CACNA1B: variants seen among roughly 807,000 people sequenced by gnomAD.
CACNA1B encodes voltage-dependent N-type calcium channel subunit alpha-1B.
In CACNA1B, 70 loss-of-function variants were observed where a neutral mutation model predicts 247.2. That is an observed-to-expected ratio of 0.28 (90% CI 0.23 to 0.35). The LOEUF (loss-of-function observed/expected upper bound fraction) is 0.35. Ranked by LOEUF, CACNA1B falls within the 10% of genes least tolerant of loss-of-function variation. The pLI is 1.00. For synonymous variants in CACNA1B, 1,231 were observed against 1,294.4 expected (o/e 0.95, Z 1.05); for missense variants, 2,367 against 3,197.4 (o/e 0.74, Z 6.26).
At chr9:137,909,020 C>T (rs186014133) in intron 3 of CACNA1B, among the ~76,000 whole-genome samples, 4,392 of 132,112 alleles carry the variant, frequency 0.033, 89 homozygotes, top group South Asian at 0.088. Flanking sequence ...GACAGAATTT[C>T]GCTCTTGTTG....
rs181687887 is a variant in CACNA1B at position 137,932,817 on chromosome 9, C to A, written c.966+15386C>A. Among the ~76,000 whole-genome samples the A allele has an allele frequency of 8.5e-4, 130 of 152,350 alleles. 1 individual carries two copies. The highest frequency in any genetic ancestry group is 2.5e-3 in the African/African-American group (104 of 41,582). Reference sequence around the variant, plus strand: ...TTTCCATGAAAACCGTACAGGTTATCTAAATGATGCGGTTTGGGTAACTGT... The same window carrying A: ...TTTCCATGAAAACCGTACAGGTTATATAAATGATGCGGTTTGGGTAACTGT... On this transcript the variant is annotated intron_variant, in intron 6 of 46. Coordinates refer to ENST00000371372, the MANE Select transcript of CACNA1B (RefSeq NM_000718.4).
rs201308982 is a variant in CACNA1B, at chr9:138,124,329, C to T, written c.*2330C>T. On this transcript the variant is annotated 3_prime_UTR_variant, in exon 47 of 47. Coordinates refer to ENST00000371372, the MANE Select transcript of CACNA1B (RefSeq NM_000718.4). Reference sequence around the variant, plus strand: ...GTATGTGCATGATAATGTATATCTTCGTACTTTTTGATACAATGTATTCAT... The same window carrying T: ...GTATGTGCATGATAATGTATATCTTTGTACTTTTTGATACAATGTATTCAT... The T allele has an allele frequency of 1.1e-4, 17 of 151,488 alleles. No homozygotes were observed. The highest frequency in any genetic ancestry group is 2.7e-4 in the African/African-American group (11 of 41,150). The allele number at this position is 151,488 out of a possible 1,614,324, so 9.4% of individuals were successfully genotyped here.
rs547483951 is a variant in CACNA1B at position 137,899,479 on chromosome 9, G to A, written c.531-13701G>A. Among the ~76,000 whole-genome samples the A allele has an allele frequency of 2.5e-4, 38 of 152,314 alleles. No individual in the cohort carries two copies. In the South Asian group the frequency reaches 7.2e-3, roughly 29 times the overall value. The stretch of plus-strand genomic sequence containing the variant: ...CTTGTAGTAATGGCTCACCGCTGTC[G>A]TGTGTGTGCTTGGGGTTGGGGTTCC... On this transcript the variant is annotated intron_variant, in intron 3 of 46. Coordinates refer to ENST00000371372, the MANE Select transcript of CACNA1B (RefSeq NM_000718.4). This position sits in a 1 kb window ranked among gnomAD's most constrained non-coding sequence, Gnocchi z 5.0.
In CACNA1B at chr9:138,058,750, G is replaced by T; in HGVS notation, c.4473+17G>T. On this transcript the variant is annotated intron_variant, in intron 29 of 46. Coordinates refer to ENST00000371372, the MANE Select transcript of CACNA1B (RefSeq NM_000718.4). The surrounding 1 kb of genome is among the most constrained non-coding windows in gnomAD (Gnocchi z 4.7). ...ATGATGAAGGTGTGTGGGGCTCAGCGCAGAGGGGCAGCTGGCGCTGCTAGG... is the reference window on the plus strand; with the variant it reads ...ATGATGAAGGTGTGTGGGGCTCAGCTCAGAGGGGCAGCTGGCGCTGCTAGG... The T allele has an allele frequency of 6.3e-7, 1 of 1,587,402 alleles. No homozygotes were observed. Among genetic ancestry groups the T allele is most frequent in the Non-Finnish European group, 8.6e-7 (1 of 1,166,172 alleles).
chr9:138,096,701 G>A, intron 37 of CACNA1B, 90 bp downstream of exon 37: 7 of 1,340,882 alleles, frequency 5.2e-6, no homozygotes, highest in South Asian at 1.4e-5. Context: ...CATGTTTCAA[G>A]TGAGCACCCC....
chr9:138,084,441 A>G (rs560639788), intron 36 of CACNA1B, among the ~76,000 whole-genome samples: 35 of 151,258 alleles, frequency 2.3e-4, no homozygotes, highest in South Asian at 2.1e-3. Context: ...TGCTGCCACA[A>G]ACTTCTACAC....
Position 138,023,232 on chromosome 9 carries a change from TG to T in CACNA1B, c.2492del (p.Gly831GlufsTer178). On this transcript the variant is annotated frameshift_variant, in exon 19 of 47. Transcript: ENST00000371372. LOFTEE classifies it high-confidence loss of function. ...ELGRDGARGPVGGKARPEAAE... is the reference protein window; with the variant it reads ...ELGRDGARGPXGGKARPEAAE... ...GGCCGCGACGGCGCGCGGGGGCCCGTGGGAGGCAAAGCCCGACCTGAGGCTG... is the reference window on the plus strand; with the variant it reads ...GGCCGCGACGGCGCGCGGGGGCCCGTGGAGGCAAAGCCCGACCTGAGGCTG... 6.6e-7 allele frequency: 1 copy of T among 1,512,178 alleles called. No individual in the cohort carries two copies. Among genetic ancestry groups the T allele is most frequent in the Non-Finnish European group, 8.8e-7 (1 of 1,138,720 alleles). The allele number at this position is 1,512,178 out of a possible 1,614,324, so 93.7% of individuals were successfully genotyped here.
At chr9:137,886,331 A>G (rs1957011508) in intron 3 of CACNA1B, among the ~76,000 whole-genome samples, 1 of 152,030 alleles carries the variant, frequency 6.6e-6, no homozygotes, top group African/African-American at 2.4e-5. Flanking sequence ...TAAGGACCTC[A>G]GGCCACGGGG....
At chr9:138,016,717 T>G (rs1185533560) in intron 18 of CACNA1B, among the ~76,000 whole-genome samples, 1 of 151,854 alleles carries the variant, frequency 6.6e-6, no homozygotes, top group Admixed American at 6.6e-5. Context: ...TTTGTTAGTC[T>G]ATGCTGCCCC....
chr9:138,096,691 C>A, intron 37 of CACNA1B, 80 bp downstream of exon 37: 1 of 1,455,848 alleles, frequency 6.9e-7, no homozygotes, highest in Non-Finnish European at 9.4e-7. Flanking sequence ...TGGCTTCAGA[C>A]ATGTTTCAAG....
chr9:138,107,948 G>A (rs1961489629), intron 39 of CACNA1B, among the ~76,000 whole-genome samples: 1 of 150,440 alleles, frequency 6.6e-6, no homozygotes, highest in African/African-American at 2.5e-5. Context: ...TTGCGCCACT[G>A]CACTCCAGTC....
At chr9:137,978,051 TC>T (rs1253066483) in intron 12 of CACNA1B, among the ~76,000 whole-genome samples, 2 of 56,316 alleles carry the variant, frequency 3.6e-5, no homozygotes, top group Admixed American at 2.0e-4. Context: ...AGCACTACCC[TC>T]CCCCCCAGGA....
intron 40 of CACNA1B, 22 bp downstream of exon 40, chr9:138,112,527 G>A (rs1961676728): frequency 7.0e-7 from 1 of 1,431,592 alleles, no homozygotes; most frequent in Non-Finnish European, 9.9e-7. Context: ...GGTGAGAAAT[G>A]CCCCCAGCCC....
At chr9:138,043,226 A>G (rs1392592683) in intron 20 of CACNA1B, among the ~76,000 whole-genome samples, 1 of 152,162 alleles carries the variant, frequency 6.6e-6, no homozygotes, top group Non-Finnish European at 1.5e-5. Flanking sequence ...GCGAGGGAGC[A>G]GGGCCTGAGC....
chr9:137,972,935 G>A (rs1958172803), intron 11 of CACNA1B, among the ~76,000 whole-genome samples: 1 of 152,140 alleles, frequency 6.6e-6, no homozygotes, highest in Admixed American at 6.5e-5. Context: ...TGGTACCTCG[G>A]GACTTTGCTT....
intron 20 of CACNA1B, among the ~76,000 whole-genome samples, chr9:138,025,920 A>G (rs1418512758): frequency 6.6e-6 from 1 of 152,216 alleles, no homozygotes; most frequent in Non-Finnish European, 1.5e-5. Context: ...GGTAGAAGAG[A>G]GGCCATAGAA....
intron 10 of CACNA1B, among the ~76,000 whole-genome samples, chr9:137,961,837 G>A (rs969001483): frequency 3.3e-5 from 5 of 152,130 alleles, no homozygotes; most frequent in Admixed American, 3.3e-4. Flanking sequence ...TTGGCCTGAA[G>A]TTTTCTTTTT....
At chr9:137,946,597 A>G (rs1957798992) in intron 6 of CACNA1B, among the ~76,000 whole-genome samples, 1 of 150,910 alleles carries the variant, frequency 6.6e-6, no homozygotes, top group African/African-American at 2.5e-5. Flanking sequence ...CTGCTGAAAA[A>G]CTGAGAAAAA....
chr9:138,029,526 TAA>T (rs1207384852), intron 20 of CACNA1B, among the ~76,000 whole-genome samples: 1 of 152,160 alleles, frequency 6.6e-6, no homozygotes, highest in Non-Finnish European at 1.5e-5. Context: ...AAGAGTGGCT[TAA>T]AGTTTTAAAA....
Sources: allele counts gnomAD v4.1 joint callset (sites outside exome capture counted in the v4.1 genomes callset), GRCh38; gene constraint gnomAD v4.1.1; non-coding constraint Gnocchi (gnomAD v3.1); transcripts MANE v1.5; gene names NCBI Gene and HGNC (gene_info 2026-07-23, HGNC 2026-07-21).